The following PDGFRL variants were observed in gnomAD, a reference collection of about 807,000 sequenced individuals.
PDGFRL encodes the protein platelet derived growth factor receptor like.
In PDGFRL, 46 loss-of-function variants were observed where a neutral mutation model predicts 37.2. The ratio of observed to expected loss-of-function variants is 1.24; its 90% CI spans 0.98 to 1.58. The LOEUF (loss-of-function observed/expected upper bound fraction) is 1.58, where lower values mean the gene tolerates loss of function less well. Ranked by LOEUF, PDGFRL falls within the 40% of genes most tolerant of loss-of-function variation. The probability of loss-of-function intolerance (pLI) is 0.00; values close to 1 mark genes in which losing one functional copy is unlikely to be tolerated. For missense variants in PDGFRL, 692 were observed against 467.6 expected (o/e 1.48, Z -4.43); for synonymous variants, 251 against 184.3 (o/e 1.36, Z -2.93).
intron 2 of PDGFRL, among the ~76,000 whole-genome samples, chr8:17,593,234 G>C (rs1803980727): frequency 6.6e-6 from 1 of 151,842 alleles, no homozygotes; most frequent in Non-Finnish European, 1.5e-5. Context: ...AAGAAATCTG[G>C]AAAGGCTTAC....
intron 2 of PDGFRL, among the ~76,000 whole-genome samples, chr8:17,601,671 G>A (rs1174974946): frequency 3.3e-5 from 5 of 151,944 alleles, no homozygotes; most frequent in Admixed American, 6.6e-5. Flanking sequence ...TCTTTGTGTC[G>A]AGGTGTACTG....
intron 2 of PDGFRL, among the ~76,000 whole-genome samples, chr8:17,620,287 T>G (rs1228776560): frequency 6.6e-6 from 1 of 152,296 alleles, no homozygotes; most frequent in African/African-American, 2.4e-5. Context: ...TTTATTTTAG[T>G]GGTGACACAT....
rs1804918119 is a variant in PDGFRL at position 17,634,063 on chromosome 8, C to T, written c.800-11C>T. 1.2e-6 allele frequency: 2 copies of T among 1,613,804 alleles called. No homozygotes were observed. Among genetic ancestry groups the T allele is most frequent in the Non-Finnish European group, 8.5e-7 (1 of 1,179,674 alleles). ...GGGGTCTCACTCTGCCTGTTTCGTGCTTGCTTCCAGTTCCCAGTGGCCCTC... is the reference window on the plus strand; with the variant it reads ...GGGGTCTCACTCTGCCTGTTTCGTGTTTGCTTCCAGTTCCCAGTGGCCCTC... On this transcript the variant is annotated splice_polypyrimidine_tract_variant and intron_variant, in intron 4 of 5. Transcript: ENST00000251630.
intron 2 of PDGFRL, among the ~76,000 whole-genome samples, chr8:17,613,863 A>C (rs946762077): frequency 6.6e-6 from 1 of 152,218 alleles, no homozygotes; most frequent in African/African-American, 2.4e-5. Context: ...CATCTCAAAA[A>C]AGAAAAGCTA....
intron 1 of PDGFRL, among the ~76,000 whole-genome samples, chr8:17,584,761 C>T (rs796871410): frequency 8.6e-5 from 13 of 150,802 alleles, no homozygotes; most frequent in African/African-American, 3.2e-4. Context: ...GGTAGTGTTA[C>T]CGGAAAGGGG....
At chr8:17,602,118 G>A (rs1407675898) in intron 2 of PDGFRL, among the ~76,000 whole-genome samples, 1 of 151,920 alleles carries the variant, frequency 6.6e-6, no homozygotes, top group Non-Finnish European at 1.5e-5. Context: ...TGACCTTGAC[G>A]GCATCTGTTA....
chr8:17,638,875 G>A (rs1299405390), intron 5 of PDGFRL, among the ~76,000 whole-genome samples: 2 of 146,410 alleles, frequency 1.4e-5, no homozygotes, highest in African/African-American at 2.5e-5. Flanking sequence ...TTTAACGTTT[G>A]TTCTGTCTGA....
rs778509337 is a variant in PDGFRL at position 17,628,774 on chromosome 8, G to A, written c.793G>A (p.Val265Met). 3.1e-6 allele frequency: 5 copies of A among 1,612,680 alleles called. No homozygotes were observed. Among genetic ancestry groups the A allele is most frequent in the Non-Finnish European group, 4.2e-6 (5 of 1,178,904 alleles). The change falls in exon 4 of 6, where the codon GTG (valine) becomes ATG (methionine). Residue 265 changes from valine to methionine, a missense_variant. Coordinates refer to ENST00000251630, the MANE Select transcript of PDGFRL (RefSeq NM_001372073.1). ...QISVKYQLLY[V>M]AVPSGPPSTT... is the part of the protein sequence containing the mutation. ...CTCCGTCAAGTACCAGCTGCTCTAT[G>A]TGGCGGGTAAGCCTGGCCACCCCTG...
At chr8:17,612,867 CCCCT>C (rs1804449391) in intron 2 of PDGFRL, among the ~76,000 whole-genome samples, 2 of 151,980 alleles carry the variant, frequency 1.3e-5, no homozygotes, top group Non-Finnish European at 2.9e-5. Context: ...ACTAACTTTC[CCCCT>C]AATCTGTTGT....
At position 17,604,642 on chromosome 8, in the gene PDGFRL, G is replaced by A. The variant is rs186696820; in HGVS notation, c.353+14877G>A. 4.8e-3 allele frequency among the ~76,000 whole-genome samples: 730 copies of A among 152,120 alleles called. 12 individuals carry two copies. Among genetic ancestry groups the A allele is most frequent in the African/African-American group, 0.017 (694 of 41,482 alleles). On this transcript the variant is annotated intron_variant, in intron 2 of 5. Coordinates refer to ENST00000251630, the MANE Select transcript of PDGFRL (RefSeq NM_001372073.1). The stretch of plus-strand genomic sequence containing the variant: ...GGAGATATACCTAATGCTAAATGAC[G>A]AGTTAATGGGTGCAGCATACCAGCA...
chr8:17,641,632 A>C (rs540053602), intron 5 of PDGFRL, among the ~76,000 whole-genome samples: 1 of 152,176 alleles, frequency 6.6e-6, no homozygotes. Flanking sequence ...CATAAAAGCA[A>C]TTGCAGCGTA....
intron 3 of PDGFRL, among the ~76,000 whole-genome samples, chr8:17,625,189 G>T (rs919177754): frequency 1.6e-5 from 2 of 126,522 alleles, no homozygotes; most frequent in African/African-American, 6.2e-5. Flanking sequence ...GTCTCCCTCT[G>T]TTGCCAGATT....
chr8:17,611,700 C>T (rs60216285), intron 2 of PDGFRL, among the ~76,000 whole-genome samples: 4,179 of 152,168 alleles, frequency 0.027, 116 homozygotes, highest in South Asian at 0.1. Context: ...GAGGTGGTAA[C>T]GTGCAATTCT....
At chr8:17,578,951 G>A (rs542255390) in intron 1 of PDGFRL, among the ~76,000 whole-genome samples, 84 of 152,318 alleles carry the variant, frequency 5.5e-4, no homozygotes, top group African/African-American at 2.0e-3. Flanking sequence ...TGTAATCCCA[G>A]CACTTTGGGA....
chr8:17,634,238 C>T (rs748513862), intron 5 of PDGFRL, 25 bp downstream of exon 5: 3 of 1,577,126 alleles, frequency 1.9e-6, no homozygotes, highest in South Asian at 1.1e-5. Context: ...TGCATCTCAG[C>T]CCCTGCGTCT....
chr8:17,607,910 A>G (rs1189271200), intron 2 of PDGFRL, among the ~76,000 whole-genome samples: 2 of 152,244 alleles, frequency 1.3e-5, no homozygotes, highest in Admixed American at 1.3e-4. Context: ...ATAAAAAAGC[A>G]AAACGAAGAT....
chr8:17,628,742 C>G lies in PDGFRL; in HGVS notation c.761C>G (p.Ser254Cys), dbSNP rs1237592167. 2.5e-6 allele frequency: 4 copies of G among 1,613,906 alleles called. No individual in the cohort carries two copies. Among genetic ancestry groups the G allele is most frequent in the South Asian group, 2.2e-5 (2 of 91,080 alleles). ...VYCRAEAGGRSQISVKYQLLY... is the reference protein window; with the variant it reads ...VYCRAEAGGRCQISVKYQLLY... ...TGCAGGGCGGAGGCCGGGGGCAGAT[C>G]TCAGATCTCCGTCAAGTACCAGCTG... is the stretch of plus-strand genomic sequence containing the variant. The change falls in exon 4 of 6, where the codon TCT (serine) becomes TGT (cysteine). Residue 254 changes from serine to cysteine, a missense_variant. Ser to Cys is a moderately radical substitution (Grantham distance 112). Coordinates refer to ENST00000251630, the MANE Select transcript of PDGFRL (RefSeq NM_001372073.1).
At chr8:17,602,026 A>G (rs2517176) in intron 2 of PDGFRL, among the ~76,000 whole-genome samples, 150,427 of 152,262 alleles carry the variant, frequency 0.99, 74,336 homozygotes, top group Middle Eastern at 1. Context: ...TAAGTTCTTC[A>G]AGAAATATCC....
At chr8:17,582,507 G>C (rs1036177003) in intron 1 of PDGFRL, among the ~76,000 whole-genome samples, 2 of 150,844 alleles carry the variant, frequency 1.3e-5, no homozygotes, top group African/African-American at 4.9e-5. Flanking sequence ...GCTTGAACTC[G>C]GGAAGAGGAG....
Sources: gnomAD v4.1 joint callset for allele counts (sites outside exome capture counted in the v4.1 genomes callset) on GRCh38, gnomAD v4.1.1 for gene constraint, MANE v1.5 for transcripts, NCBI Gene and HGNC (gene_info 2026-07-23, HGNC 2026-07-21) for gene names.